Variants in BMPR2 observed in about 807,000 individuals in gnomAD.
BMPR2 encodes bone morphogenetic protein receptor type 2, also known as bone morphogenetic protein receptor type-2.
A neutral mutation model predicts 100.8 loss-of-function variants in BMPR2; 29 were observed. The observed-to-expected ratio is 0.29, with a 90% confidence interval of 0.21 to 0.39. The LOEUF (loss-of-function observed/expected upper bound fraction) is 0.39, where lower values mean the gene tolerates loss of function less well. Ranked by LOEUF, BMPR2 falls within the 10% of genes least tolerant of loss-of-function variation. BMPR2 has a pLI of 1.00. For missense variants in BMPR2, 1,011 were observed against 1,274.5 expected, an observed-to-expected ratio of 0.79 and a Z score of 3.15; for synonymous variants, 382 against 442.3, an observed-to-expected ratio of 0.86 and a Z score of 1.71.
At chr2:202,448,741 C>A (rs1398028121) in intron 1 of BMPR2, among the ~76,000 whole-genome samples, 3 of 151,918 alleles carry the variant, frequency 2.0e-5, no homozygotes, top group Admixed American at 2.0e-4. Flanking sequence ...CAGGCATGAG[C>A]CACCGCGCCC....
chr2:202,393,888 A>AGAGAGAGC (rs1690604425), intron 1 of BMPR2, among the ~76,000 whole-genome samples: 2 of 56,368 alleles, frequency 3.5e-5, no homozygotes, highest in Non-Finnish European at 6.7e-5. Context: ...AGAGCGAGAG[A>AGAGAGAGC]GAGAGAGAGA....
chr2:202,526,980 C>G (rs1687925846), intron 7 of BMPR2, among the ~76,000 whole-genome samples: 2 of 152,230 alleles, frequency 1.3e-5, no homozygotes, highest in South Asian at 4.1e-4. Flanking sequence ...TCTCCTGCCT[C>G]AGCCTCCCAA....
At position 202,547,487 on chromosome 2, in the gene BMPR2, A is replaced by G. The variant is rs186076532; in HGVS notation, c.1413+5040A>G. Among the ~76,000 whole-genome samples, 546 of 152,298 alleles carry G rather than the reference A, an allele frequency of 3.6e-3. 3 individuals are homozygous for G. The highest frequency in any genetic ancestry group is 6.3e-3 in the Non-Finnish European group (431 of 68,012). On this transcript the variant is annotated intron_variant, in intron 10 of 12. Coordinates refer to ENST00000374580, the MANE Select transcript of BMPR2 (RefSeq NM_001204.7). ...TTTTATCCTAATATATTTTCACATA[A>G]AAGGTGGCAACTTAGCCAGGCACGG...
chr2:202,511,281 A>G (rs1019954924), intron 3 of BMPR2, among the ~76,000 whole-genome samples: 1 of 152,218 alleles, frequency 6.6e-6, no homozygotes, highest in Non-Finnish European at 1.5e-5. Context: ...CTTTGTAGGA[A>G]TATACCACAT....
At chr2:202,542,702 G>A (rs1688298929) in intron 10 of BMPR2, among the ~76,000 whole-genome samples, 2 of 151,976 alleles carry the variant, frequency 1.3e-5, no homozygotes, top group East Asian at 1.9e-4. Flanking sequence ...TGCCAGATTA[G>A]GTAACAGCTG....
chr2:202,545,672 G>A lies in BMPR2; in HGVS notation c.1413+3225G>A, dbSNP rs143326145. On this transcript the variant is annotated intron_variant, in intron 10 of 12. Coordinates refer to ENST00000374580, the MANE Select transcript of BMPR2 (RefSeq NM_001204.7). ...TCCATACAGATTTAGAATGAGCACT[G>A]TCTTCATTGGTTATCTTAGTCACTA... is the stretch of plus-strand genomic sequence containing the variant. Among the ~76,000 whole-genome samples the A allele has an allele frequency of 5.3e-5, 8 of 152,312 alleles. No individual in the cohort carries two copies. In the East Asian group the frequency reaches 1.3e-3, roughly 26 times the overall value.
chr2:202,540,811 G>A (rs1253116310), intron 9 of BMPR2, among the ~76,000 whole-genome samples: 1 of 152,106 alleles, frequency 6.6e-6, no homozygotes, highest in East Asian at 1.9e-4. Context: ...ATGAAGTGAA[G>A]ATTAGAACCT....
At chr2:202,412,040 G>A (rs535003847) in intron 1 of BMPR2, among the ~76,000 whole-genome samples, 1 of 152,144 alleles carries the variant, frequency 6.6e-6, no homozygotes, top group East Asian at 1.9e-4. Context: ...ATAATTGCAA[G>A]TGATTATGTA....
At chr2:202,407,221 G>C (rs548212790) in intron 1 of BMPR2, among the ~76,000 whole-genome samples, 4 of 152,124 alleles carry the variant, frequency 2.6e-5, no homozygotes, top group Admixed American at 2.6e-4. Flanking sequence ...GGGATTACAG[G>C]TGTGAGCCAC....
At chr2:202,427,350 C>A (rs1190448508) in intron 1 of BMPR2, among the ~76,000 whole-genome samples, 3 of 121,408 alleles carry the variant, frequency 2.5e-5, no homozygotes, top group African/African-American at 9.2e-5. Context: ...TCAAGCAAGA[C>A]CCTGGCTCAA....
Position 202,555,527 on chromosome 2 carries a change from C to G in BMPR2, c.1862C>G (p.Thr621Arg), listed in dbSNP as rs147943794. ...NTTTTNTTGL[T>R]PSTGMTTISE... Reference sequence around the variant, plus strand: ...ACAACCACAAACACCACAGGACTCACGCCAAGTACTGGCATGACTACTATA... The same window carrying G: ...ACAACCACAAACACCACAGGACTCAGGCCAAGTACTGGCATGACTACTATA... The change falls in exon 12 of 13, where the codon ACG (threonine) becomes AGG (arginine). Residue 621 changes from threonine (T) to arginine (R), a missense_variant. Thr to Arg is a moderately conservative substitution (Grantham distance 71). Coordinates refer to ENST00000374580, the MANE Select transcript of BMPR2 (RefSeq NM_001204.7). 5 of 1,614,034 alleles carry G rather than the reference C, an allele frequency of 3.1e-6. No homozygotes were observed. The highest frequency in any genetic ancestry group is 4.2e-6 in the Non-Finnish European group (5 of 1,180,030).
chr2:202,501,780 T>C (rs989577448), intron 3 of BMPR2, among the ~76,000 whole-genome samples: 6 of 152,242 alleles, frequency 3.9e-5, no homozygotes, highest in African/African-American at 1.2e-4. Flanking sequence ...CTTGAGGGAC[T>C]GGTGCTTCAA....
rs1687796957 is a variant in BMPR2 at position 202,520,199 on chromosome 2, G to A, written c.965G>A (p.Gly322Glu). The change falls in exon 7 of 13, where the codon GGA (glycine) becomes GAA (glutamate). Residue 322 changes from glycine (G) to glutamate (E), a missense_variant and splice_region_variant. Gly to Glu is a moderately conservative substitution (Grantham distance 98). Coordinates refer to ENST00000374580, the MANE Select transcript of BMPR2 (RefSeq NM_001204.7). The stretch of plus-strand genomic sequence containing the variant: ...TATCTTCACACAGAATTACCACGAG[G>A]AGGTAAGATAGTCAATAGATGAAAT... ...LAYLHTELPR[G>E]DHYKPAISHR... The A allele has an allele frequency of 6.2e-7, 1 of 1,605,510 alleles. No homozygotes were observed. Among genetic ancestry groups the A allele is most frequent in the Non-Finnish European group, 8.5e-7 (1 of 1,172,438 alleles).
At chr2:202,448,310 G>T (rs1362197964) in intron 1 of BMPR2, among the ~76,000 whole-genome samples, 1 of 150,924 alleles carries the variant, frequency 6.6e-6, no homozygotes, top group African/African-American at 2.4e-5. Context: ...AATTAGCCGG[G>T]CATGGTGGCT....
intron 7 of BMPR2, 43 bp downstream of exon 7, chr2:202,520,244 A>C (rs754618172): frequency 1.5e-6 from 2 of 1,364,912 alleles, no homozygotes; most frequent in South Asian, 2.3e-5. Context: ...TGTGGGTTCA[A>C]AATTCACAAC....
chr2:202,456,484 T>G (rs2105952228), intron 1 of BMPR2, among the ~76,000 whole-genome samples: 1 of 151,452 alleles, frequency 6.6e-6, no homozygotes, highest in African/African-American at 2.4e-5. Context: ...GACCGATTGG[T>G]TCTATTTATG....
chr2:202,475,441 T>A (rs1450526285), intron 3 of BMPR2, among the ~76,000 whole-genome samples: 1 of 152,182 alleles, frequency 6.6e-6, no homozygotes, highest in Middle Eastern at 3.2e-3. Flanking sequence ...TATATATTAA[T>A]GTAGAAGGCA....
intron 1 of BMPR2, among the ~76,000 whole-genome samples, chr2:202,447,033 T>G (rs1362380447): frequency 1.3e-5 from 2 of 148,860 alleles, no homozygotes; most frequent in Non-Finnish European, 2.9e-5. Context: ...ATTGGCTGGA[T>G]GTGGTGGCTC....
intron 1 of BMPR2, among the ~76,000 whole-genome samples, chr2:202,416,427 A>ATTTTTTTT (rs57196325): frequency 2.9e-5 from 4 of 137,014 alleles, no homozygotes; most frequent in African/African-American, 1.1e-4. Context: ...CACCTGGATA[A>ATTTTTTTT]TTTTTTTTTT....
Sources: gnomAD v4.1 joint callset for allele counts (sites outside exome capture counted in the v4.1 genomes callset) on GRCh38, gnomAD v4.1.1 for gene constraint, MANE v1.5 for transcripts, NCBI Gene and HGNC (gene_info 2026-07-23, HGNC 2026-07-21) for gene names.